The following PLCL2 variants were observed in gnomAD, a reference collection of about 807,000 sequenced individuals.
PLCL2 encodes the protein inactive phospholipase C-like protein 2.
A neutral mutation model predicts 79.6 loss-of-function variants in PLCL2; 4 were observed. That is an observed-to-expected ratio of 0.05 (90% confidence interval 0.02 to 0.11). The LOEUF is 0.11. Among genes scored for constraint, PLCL2 ranks in the 10% least tolerant of loss-of-function variants. The pLI is 1.00. For synonymous variants in PLCL2, 484 were observed against 457.7 expected, an observed-to-expected ratio of 1.06 and a Z score of -0.73; for missense variants, 895 against 1,291.0, an observed-to-expected ratio of 0.69 and a Z score of 4.70.
At position 17,014,898 on chromosome 3, in the gene PLCL2, C is replaced by G; in HGVS notation, c.3005C>G (p.Thr1002Arg). Residue 1002 changes from threonine to arginine, a missense_variant, in exon 3 of 6, where the codon ACA becomes AGA. Around this residue, in one of 6 missense-constraint regions of PLCL2, gnomAD observed 298 missense variants for 459.6 expected, o/e 0.65. Coordinates refer to ENST00000615277, the MANE Select transcript of PLCL2 (RefSeq NM_001144382.2). ...IVPEVLKKIV[T>R]TYDMMIQSLK... ...CCGGAGGTTCTGAAGAAGATCGTAACAACTTATGACATGGTGAGTTGTCCT... is the reference window on the plus strand; with the variant it reads ...CCGGAGGTTCTGAAGAAGATCGTAAGAACTTATGACATGGTGAGTTGTCCT... 6.2e-7 allele frequency: 1 copy of G among 1,613,644 alleles called. No homozygotes were observed. The highest frequency in any genetic ancestry group is 2.2e-5 in the East Asian group (1 of 44,878).
In PLCL2 at chr3:16,956,512, A is replaced by T. The variant is rs1030238087; in HGVS notation, c.328-53162A>T. 2.2e-3 allele frequency among the ~76,000 whole-genome samples: 340 copies of T among 152,242 alleles called. 2 individuals are homozygous for T. Among genetic ancestry groups the T allele is most frequent in the African/African-American group, 7.7e-3 (318 of 41,548 alleles). On this transcript the variant is annotated intron_variant, in intron 1 of 5. Coordinates refer to ENST00000615277, the MANE Select transcript of PLCL2 (RefSeq NM_001144382.2). Reference sequence around the variant, plus strand: ...TCTCTTTTTTTGTTGTGTCTCTGCCAGGCTTTGGTATCAGGATGATGCTGA... The same window carrying T: ...TCTCTTTTTTTGTTGTGTCTCTGCCTGGCTTTGGTATCAGGATGATGCTGA...
chr3:17,018,814 C>CATTT (rs1486876576), intron 3 of PLCL2, among the ~76,000 whole-genome samples: 1 of 152,148 alleles, frequency 6.6e-6, no homozygotes, highest in Non-Finnish European at 1.5e-5. Flanking sequence ...ATTCAACACC[C>CATTT]ATTTATAAGC....
chr3:17,051,668 C>T (rs531423680), intron 4 of PLCL2, among the ~76,000 whole-genome samples: 2 of 152,198 alleles, frequency 1.3e-5, no homozygotes, highest in South Asian at 4.2e-4. Context: ...GTCAGGACTG[C>T]CCCCATCTAT....
chr3:17,009,698 C>A lies in PLCL2; in HGVS notation c.352C>A (p.Arg118=), dbSNP rs760499396. The change falls in exon 2 of 6, where the codon CGG becomes AGG. Residue 118 remains arginine, a synonymous_variant. Transcript: ENST00000615277. The surrounding 1 kb of genome is among the most constrained non-coding windows in gnomAD (Gnocchi z 4.0). ...GGATGGTACAAAACAGAAGAGGGAACGGAAAAAGACAGTCTCATTCAGCAG... is the reference window on the plus strand; with the variant it reads ...GGATGGTACAAAACAGAAGAGGGAAAGGAAAAAGACAGTCTCATTCAGCAG... ...IKDGTKQKRE[R]KKTVSFSSMP... The A allele has an allele frequency of 1.9e-6, 3 of 1,597,776 alleles. No individual in the cohort carries two copies. Among genetic ancestry groups the A allele is most frequent in the Admixed American group, 1.7e-5 (1 of 59,712 alleles).
At chr3:17,028,482 CTT>C (rs200573131) in intron 3 of PLCL2, among the ~76,000 whole-genome samples, 2 of 141,958 alleles carry the variant, frequency 1.4e-5, no homozygotes, top group African/African-American at 2.6e-5. Context: ...TTTTTTTTTT[CTT>C]TTTTTTTTTG....
chr3:16,985,671 C>A (rs73145347), intron 1 of PLCL2, among the ~76,000 whole-genome samples: 5,206 of 152,196 alleles, frequency 0.034, 308 homozygotes, highest in African/African-American at 0.12. Flanking sequence ...TGTGCCCAGG[C>A]ACTGCCAAGA....
intron 4 of PLCL2, among the ~76,000 whole-genome samples, chr3:17,060,075 G>A (rs949753978): frequency 1.3e-5 from 2 of 152,162 alleles, no homozygotes; most frequent in Admixed American, 6.5e-5. Flanking sequence ...GAAGTGAGGA[G>A]GGTCTTGCTA....
At chr3:17,063,430 C>T (rs536077067) in intron 4 of PLCL2, among the ~76,000 whole-genome samples, 2 of 149,842 alleles carry the variant, frequency 1.3e-5, no homozygotes, top group South Asian at 4.3e-4. Context: ...CCCATCTCCC[C>T]ATCTTCCTAA....
In PLCL2 at chr3:17,014,715, T is replaced by C. The variant is rs2064365047; in HGVS notation, c.2822T>C (p.Val941Ala). The change falls in exon 3 of 6, where the codon GTG becomes GCG. Residue 941 changes from valine (V) to alanine (A), a missense_variant. Coordinates refer to ENST00000615277, the MANE Select transcript of PLCL2 (RefSeq NM_001144382.2). ...TDLRENMQNA[V>A]VSFKELCGLS... ...TTTCATTCCATTTAACAGAATGCGG[T>C]GGTGTCATTCAAGGAGCTGTGTGGC... The C allele has an allele frequency of 6.2e-7, 1 of 1,611,790 alleles. No homozygotes were observed. The highest frequency in any genetic ancestry group is 1.7e-5 in the Admixed American group (1 of 59,994).
At chr3:17,044,759 A>G (rs1344537980) in intron 4 of PLCL2, among the ~76,000 whole-genome samples, 1 of 152,220 alleles carries the variant, frequency 6.6e-6, no homozygotes, top group African/African-American at 2.4e-5. Context: ...ATCAGAAAAA[A>G]AACTATTCAA....
intron 5 of PLCL2, among the ~76,000 whole-genome samples, chr3:17,080,134 G>A (rs142853341): frequency 2.0e-5 from 3 of 152,288 alleles, no homozygotes; most frequent in East Asian, 3.9e-4. Flanking sequence ...CCCATCAAAC[G>A]TGTGAGTGCA....
chr3:16,979,841 T>G (rs1340244883), intron 1 of PLCL2, among the ~76,000 whole-genome samples: 2 of 150,280 alleles, frequency 1.3e-5, no homozygotes, highest in Non-Finnish European at 3.0e-5. Context: ...CCGTTCTCAA[T>G]GAGCTGTTGG....
intron 4 of PLCL2, among the ~76,000 whole-genome samples, chr3:17,065,864 TC>T (rs537574570): frequency 1.3e-3 from 201 of 152,324 alleles, no homozygotes; most frequent in Non-Finnish European, 2.6e-3. Flanking sequence ...TTGTGTCTCT[TC>T]CCTTTCCTAC....
At chr3:16,956,782 A>G (rs867343723) in intron 1 of PLCL2, among the ~76,000 whole-genome samples, 9 of 152,112 alleles carry the variant, frequency 5.9e-5, no homozygotes, top group Middle Eastern at 3.2e-3. Context: ...CCAGGAATTT[A>G]TCCATTTCTT....
At chr3:16,904,912 C>A (rs1487813721) in intron 1 of PLCL2, among the ~76,000 whole-genome samples, 2 of 152,148 alleles carry the variant, frequency 1.3e-5, no homozygotes, top group Admixed American at 1.3e-4. Context: ...TGTAAGTTTC[C>A]TGAGGCCTTC....
In PLCL2 at chr3:17,011,635, G is replaced by A. The variant is rs2064323751; in HGVS notation, c.2289G>A (p.Gly763=). 6.2e-7 allele frequency: 1 copy of A among 1,613,978 alleles called. No homozygotes were observed. Among genetic ancestry groups the A allele is most frequent in the South Asian group, 1.1e-5 (1 of 91,084 alleles). The change falls in exon 2 of 6, where the codon GGG becomes GGA. Residue 763 remains glycine (G), a synonymous_variant. Transcript: ENST00000615277. The surrounding 1 kb of genome is among the most constrained non-coding windows in gnomAD (Gnocchi z 7.9). ...PQLLHIKIIS[G]QNFPKPKGSG... ...TTCTTCACATTAAAATCATCAGTGG[G>A]CAGAACTTTCCCAAGCCCAAAGGAT...
intron 5 of PLCL2, among the ~76,000 whole-genome samples, chr3:17,088,478 G>A (rs1324080770): frequency 6.6e-6 from 1 of 152,104 alleles, no homozygotes; most frequent in Non-Finnish European, 1.5e-5. Context: ...AAAGGTAATA[G>A]TGTAAGTAGA....
intron 1 of PLCL2, among the ~76,000 whole-genome samples, chr3:16,901,162 T>C (rs73146924): frequency 0.074 from 11,277 of 152,302 alleles, 630 homozygotes; most frequent in African/African-American, 0.15. Flanking sequence ...GCACTAAATT[T>C]ATTTGGCAAG....
chr3:16,964,149 T>C (rs1285159850), intron 1 of PLCL2, among the ~76,000 whole-genome samples: 1 of 151,664 alleles, frequency 6.6e-6, no homozygotes, highest in East Asian at 1.9e-4. Context: ...ATTAGGTATA[T>C]CTCCTAATGC....
Sources: gnomAD v4.1 joint callset for allele counts (sites outside exome capture counted in the v4.1 genomes callset) on GRCh38, gnomAD v4.1.1 for gene constraint, gnomAD v4.1.1 regional missense constraint, Gnocchi (gnomAD v3.1) non-coding constraint, MANE v1.5 for transcripts, NCBI Gene and HGNC (gene_info 2026-07-23, HGNC 2026-07-21) for gene names.